Variants in BAZ2B observed in about 807,000 individuals in gnomAD.
BAZ2B encodes the protein bromodomain adjacent to zinc finger domain protein 2B.
A neutral mutation model predicts 246.0 loss-of-function variants in BAZ2B; 91 were observed. The observed-to-expected ratio is 0.37, with a 90% CI of 0.31 to 0.44. BAZ2B has a LOEUF of 0.44. Among genes scored for constraint, BAZ2B ranks in the 20% least tolerant of loss-of-function variants. The pLI, the probability that BAZ2B is intolerant of heterozygous loss-of-function variation, is 1.00. For synonymous variants in BAZ2B, 855 were observed against 860.0 expected (o/e 0.99, Z 0.10); for missense variants, 2,332 against 2,533.7 (o/e 0.92, Z 1.71).
rs148878837 is a variant in BAZ2B, at chr2:159,507,368, T to TA, written c.-2-28648dup. 9.4e-3 allele frequency among the ~76,000 whole-genome samples: 1,409 copies of TA among 150,068 alleles called. 29 individuals are homozygous for TA. The highest frequency in any genetic ancestry group is 0.033 in the African/African-American group (1,338 of 41,070). On this transcript the variant is annotated intron_variant, in intron 2 of 36. Coordinates refer to ENST00000392783, the MANE Select transcript of BAZ2B (RefSeq NM_013450.4). ...CAAACAACTACGACAGTGAGGAGGTTAAAAAAAAAATCTAAACAATTATAT... is the reference window on the plus strand; with the variant it reads ...CAAACAACTACGACAGTGAGGAGGTTAAAAAAAAAAATCTAAACAATTATAT...
chr2:159,508,052 G>C (rs771872377), intron 2 of BAZ2B, among the ~76,000 whole-genome samples: 3 of 152,042 alleles, frequency 2.0e-5, no homozygotes, highest in Non-Finnish European at 4.4e-5. Flanking sequence ...TGTATTTTTA[G>C]CAGAGATGGG....
At chr2:159,473,127 G>C (rs188238423) in intron 3 of BAZ2B, among the ~76,000 whole-genome samples, 2 of 152,052 alleles carry the variant, frequency 1.3e-5, no homozygotes, top group Non-Finnish European at 2.9e-5. Flanking sequence ...GGCTTCGTTT[G>C]GTTGGTAGAC....
chr2:159,595,033 A>G (rs2151725652), intron 1 of BAZ2B, among the ~76,000 whole-genome samples: 1 of 152,342 alleles, frequency 6.6e-6, no homozygotes, highest in Admixed American at 6.5e-5. Flanking sequence ...CTGATATTAA[A>G]TAATTATTCA....
chr2:159,628,445 C>T, the BAZ2B span, among the ~76,000 whole-genome samples: 1 of 152,180 alleles, frequency 6.6e-6, no homozygotes, highest in Non-Finnish European at 1.5e-5. Context: ...GTAATCAAAA[C>T]AGCACAGTAC....
chr2:159,686,834 A>G, the BAZ2B span, among the ~76,000 whole-genome samples: 49 of 152,070 alleles, frequency 3.2e-4, no homozygotes, highest in Non-Finnish European at 6.3e-4. Flanking sequence ...CAAGGTCAGG[A>G]GATCGAGACC....
At chr2:159,362,212 T>C (rs1335507134) in intron 27 of BAZ2B, among the ~76,000 whole-genome samples, 1 of 152,098 alleles carries the variant, frequency 6.6e-6, no homozygotes, top group African/African-American at 2.4e-5. Context: ...GGGGCTTTCT[T>C]CTTTCCCACT....
chr2:159,349,999 G>A lies in BAZ2B; in HGVS notation c.4572C>T (p.Asp1524=). ...TATQSNVEKA[D]SNNLFNTGSS... is the part of the protein sequence containing the mutation. ...AACCAGTATTAAACAGATTATTAGA[G>A]TCTGCCTTTTCCACATTGCTTTGCG... Residue 1524 remains aspartate, a synonymous_variant, in exon 28 of 37, where the codon GAC becomes GAT. Transcript: ENST00000392783. The A allele has an allele frequency of 6.2e-7, 1 of 1,614,170 alleles. No homozygotes were observed. The highest frequency in any genetic ancestry group is 8.5e-7 in the Non-Finnish European group (1 of 1,180,016).
At chr2:159,407,802 A>G (rs2066194132) in intron 14 of BAZ2B, among the ~76,000 whole-genome samples, 1 of 152,226 alleles carries the variant, frequency 6.6e-6, no homozygotes, top group African/African-American at 2.4e-5. Context: ...GTCACACAAA[A>G]AAGATGTCCT....
At chr2:159,321,950 A>C (rs2062767193) in intron 36 of BAZ2B, 1 of 152,204 alleles carries the variant, frequency 6.6e-6, no homozygotes, top group South Asian at 2.1e-4. Context: ...ATGAATACCC[A>C]ATTTTCCATG....
chr2:159,525,472 T>C (rs1196887123), intron 2 of BAZ2B, among the ~76,000 whole-genome samples: 1 of 152,226 alleles, frequency 6.6e-6, no homozygotes, highest in Non-Finnish European at 1.5e-5. Context: ...CCTGACCTTA[T>C]GTGACGTGTT....
chr2:159,581,861 G>A (rs1044337982), intron 1 of BAZ2B, among the ~76,000 whole-genome samples: 10 of 141,468 alleles, frequency 7.1e-5, no homozygotes, highest in East Asian at 2.1e-4. Context: ...TCATAGGTGC[G>A]AATTGAACAA....
At chr2:159,434,825 A>G (rs2071886765) in intron 8 of BAZ2B, 3 of 152,118 alleles carry the variant, frequency 2.0e-5, no homozygotes, top group African/African-American at 7.2e-5. Flanking sequence ...AATTTAGAAA[A>G]ATACAATTTT....
chr2:159,534,630 C>CT (rs111666633), intron 2 of BAZ2B, among the ~76,000 whole-genome samples: 4,477 of 144,452 alleles, frequency 0.031, 189 homozygotes, highest in African/African-American at 0.096. Flanking sequence ...ATAATTTCTT[C>CT]TTTTTTTTTT....
In BAZ2B at chr2:159,355,388, TA is replaced by T. The variant is rs538249047; in HGVS notation, c.4214-5032del. On this transcript the variant is annotated intron_variant, in intron 27 of 36. Transcript: ENST00000392783. ...ATCTTGAGATTATTGTGGAAGAGAC[TA>T]AAGGAAGCAGATTCTTATTATGTCT... is the stretch of plus-strand genomic sequence containing the variant. 1.2e-3 allele frequency among the ~76,000 whole-genome samples: 177 copies of T among 152,288 alleles called. 2 individuals are homozygous for T. Among genetic ancestry groups the T allele is most frequent in the South Asian group, 9.5e-3 (46 of 4,826 alleles).
intron 1 of BAZ2B, among the ~76,000 whole-genome samples, chr2:159,600,557 C>T (rs1180864764): frequency 6.6e-6 from 1 of 152,156 alleles, no homozygotes. Context: ...AACATACATT[C>T]ACATGATCTT....
chr2:159,507,353 C>T (rs543145634), intron 2 of BAZ2B, among the ~76,000 whole-genome samples: 2 of 151,750 alleles, frequency 1.3e-5, no homozygotes, highest in African/African-American at 4.8e-5. Context: ...CAAACAACTA[C>T]GACAGTGAGG....
At chr2:159,453,897 C>T in intron 3 of BAZ2B, 96 bp from the exon 4 acceptor site, 1 of 1,083,456 alleles carries the variant, frequency 9.2e-7, no homozygotes, top group Non-Finnish European at 1.2e-6. Flanking sequence ...TAATAATTTA[C>T]CTATTACATT....
chr2:159,678,923 A>G, the BAZ2B span, among the ~76,000 whole-genome samples: 1 of 152,220 alleles, frequency 6.6e-6, no homozygotes, highest in South Asian at 2.1e-4. Flanking sequence ...ATGATACAGA[A>G]GGCAACCTTT....
chr2:159,352,269 A>C (rs2058646197), intron 27 of BAZ2B, among the ~76,000 whole-genome samples: 1 of 152,016 alleles, frequency 6.6e-6, no homozygotes, highest in Admixed American at 6.6e-5. Context: ...CTTATCCTTC[A>C]TGTCTCAGAT....
Sources: allele counts gnomAD v4.1 joint callset (sites outside exome capture counted in the v4.1 genomes callset), GRCh38; gene constraint gnomAD v4.1.1; transcripts MANE v1.5; gene names NCBI Gene and HGNC (gene_info 2026-07-23, HGNC 2026-07-21).